The following MDFI variants were observed in gnomAD, a reference collection of about 807,000 sequenced individuals.
MDFI encodes the protein inhibitor of MyoD family a.
In MDFI, 16 loss-of-function variants were observed where a neutral mutation model predicts 22.3. The observed-to-expected ratio is 0.72, with a 90% confidence interval of 0.49 to 1.09. MDFI has a LOEUF of 1.09. MDFI is among the 50% of genes least tolerant of loss of function. The probability of loss-of-function intolerance (pLI) is 0.00; values close to 1 mark genes in which losing one functional copy is unlikely to be tolerated. For missense variants in MDFI, 314 were observed against 326.1 expected, an observed-to-expected ratio of 0.96 and a Z score of 0.29; for synonymous variants, 145 against 142.7, an observed-to-expected ratio of 1.02 and a Z score of -0.12.
chr6:41,649,770 C>G lies in MDFI; in HGVS notation c.411C>G (p.Ala137=), dbSNP rs774060212. The change falls in exon 4 of 5, where the codon GCC becomes GCG. Residue 137 remains alanine, a synonymous_variant. Transcript: ENST00000230321. ...AGTTGCAGACACACCCATCTCTCGC[C>G]AGCCAGGGCAGCAAGAAGAGTAAGA... The part of the protein sequence containing the change: ...HRKLQTHPSL[A]SQGSKKSKSS... The G allele has an allele frequency of 1.2e-6, 2 of 1,614,140 alleles. No homozygotes were observed. The highest frequency in any genetic ancestry group is 2.2e-5 in the East Asian group (1 of 44,872).
chr6:41,652,368 G>A (rs1768301978), intron 4 of MDFI, among the ~76,000 whole-genome samples: 1 of 152,206 alleles, frequency 6.6e-6, no homozygotes, highest in Non-Finnish European at 1.5e-5. Context: ...GGGCCTCAGA[G>A]GCCACTTCAA....
intron 4 of MDFI, among the ~76,000 whole-genome samples, chr6:41,651,904 C>T (rs1768284009): frequency 6.6e-6 from 1 of 152,240 alleles, no homozygotes; most frequent in South Asian, 2.1e-4. Context: ...CTATTCTATT[C>T]ACTGAGCACC....
intron 4 of MDFI, among the ~76,000 whole-genome samples, chr6:41,652,690 T>TC (rs1235620428): frequency 2.1e-5 from 3 of 140,986 alleles, no homozygotes; most frequent in Non-Finnish European, 3.0e-5. Context: ...CTCGGCTCAC[T>TC]ACTACAGCCT....
chr6:41,639,714 T>A (rs1282048287), intron 2 of MDFI: 4 of 985,308 alleles, frequency 4.1e-6, no homozygotes, highest in Non-Finnish European at 3.6e-6. Flanking sequence ...ACTGTCTAAG[T>A]CGTTGCCTTC....
intron 2 of MDFI, among the ~76,000 whole-genome samples, chr6:41,640,109 A>G (rs1767796026): frequency 6.6e-6 from 1 of 152,282 alleles, no homozygotes; most frequent in South Asian, 2.1e-4. Context: ...GAGCGCCTCC[A>G]AGAATTGGAC....
At chr6:41,639,217 C>A (rs1438106154) in intron 2 of MDFI, 3 of 984,878 alleles carry the variant, frequency 3.0e-6, no homozygotes, top group Non-Finnish European at 3.6e-6. Context: ...TTGTCTGAAT[C>A]TTTCTCTACT....
upstream of MDFI, among the ~76,000 whole-genome samples, chr6:41,637,846 A>T (rs1767695719): frequency 6.6e-6 from 1 of 152,174 alleles, no homozygotes; most frequent in Non-Finnish European, 1.5e-5. The surrounding 1 kb of genome is among the most constrained non-coding windows in gnomAD (Gnocchi z 6.8). Context: ...TCCCACGCAC[A>T]GCTGGTAGGG....
chr6:41,653,757 G>T lies in MDFI; in HGVS notation c.*182G>T. Reference sequence around the variant, plus strand: ...AAAATAGTGGGGGGCACTCAGAGGGGCCACCTCCTCAGCCGTGGGTGGTGG... The same window carrying T: ...AAAATAGTGGGGGGCACTCAGAGGGTCCACCTCCTCAGCCGTGGGTGGTGG... On this transcript the variant is annotated 3_prime_UTR_variant, in exon 5 of 5. Coordinates refer to ENST00000230321, the MANE Select transcript of MDFI (RefSeq NM_005586.4). This position sits in a 1 kb window ranked among gnomAD's most constrained non-coding sequence, Gnocchi z 4.2. The T allele has an allele frequency of 1.4e-6, 1 of 734,532 alleles. No individual in the cohort carries two copies. The allele number at this position is 734,532 out of a possible 1,614,324, so 45.5% of individuals were successfully genotyped here. A position where few individuals can be genotyped will look rare whatever the true frequency, so the allele number is the denominator to read the frequency against.
chr6:41,644,129 A>G (rs1767960955), intron 2 of MDFI, among the ~76,000 whole-genome samples: 1 of 152,134 alleles, frequency 6.6e-6, no homozygotes, highest in South Asian at 2.1e-4. Context: ...GAGAGGCACC[A>G]TCTAGCACCA....
chr6:41,639,838 T>C, intron 2 of MDFI: 4 of 985,430 alleles, frequency 4.1e-6, no homozygotes, highest in Non-Finnish European at 3.6e-6. Flanking sequence ...CCTTCCCTTC[T>C]CTGGCCTGAG....
intron 4 of MDFI, among the ~76,000 whole-genome samples, chr6:41,651,796 C>T (rs1269924971): frequency 2.0e-5 from 3 of 152,190 alleles, no homozygotes; most frequent in Admixed American, 6.5e-5. Flanking sequence ...CCCCAGCACA[C>T]GGAGGGCTGC....
chr6:41,640,029 C>T (rs779616914), intron 2 of MDFI: 24 of 767,584 alleles, frequency 3.1e-5, no homozygotes, highest in Non-Finnish European at 3.8e-5. Flanking sequence ...GTGTCTACAG[C>T]CCATCTTGGC....
chr6:41,651,569 A>G (rs1581844613), intron 4 of MDFI, among the ~76,000 whole-genome samples: 3 of 152,290 alleles, frequency 2.0e-5, no homozygotes, highest in Middle Eastern at 6.8e-3. Flanking sequence ...CTATCTGGAG[A>G]GCAGTAGGGA....
chr6:41,653,857 C>A lies in MDFI; in HGVS notation c.*282C>A. 2.0e-6 allele frequency: 1 copy of A among 492,750 alleles called. No homozygotes were observed. The highest frequency in any genetic ancestry group is 3.7e-6 in the Non-Finnish European group (1 of 270,776). 30.5% of individuals were successfully genotyped at this position (492,750 alleles called of 1,614,324 possible). ...ATTGCTGAGGACCTGACAGGACAAC[C>A]TAGGGGCAGGGCTGGGGTGGGGACC... On this transcript the variant is annotated 3_prime_UTR_variant, in exon 5 of 5. Coordinates refer to ENST00000230321, the MANE Select transcript of MDFI (RefSeq NM_005586.4). This position sits in a 1 kb window ranked among gnomAD's most constrained non-coding sequence, Gnocchi z 4.2.
chr6:41,642,110 G>C (rs1767873135), intron 2 of MDFI, among the ~76,000 whole-genome samples: 1 of 152,188 alleles, frequency 6.6e-6, no homozygotes, highest in African/African-American at 2.4e-5. Context: ...AGCCACCCTT[G>C]AGAGGAGGAG....
Position 41,649,861 on chromosome 6 carries a change from C to G in MDFI, c.484+18C>G. The stretch of plus-strand genomic sequence containing the variant: ...ACAGGAAGGTAAGCACCCATCCCAT[C>G]TCTCCCTGGGAGAGGCCTCCAAAGC... On this transcript the variant is annotated intron_variant, in intron 4 of 4. Transcript: ENST00000230321. The G allele has an allele frequency of 6.2e-7, 1 of 1,608,012 alleles. No homozygotes were observed. Among genetic ancestry groups the G allele is most frequent in the Non-Finnish European group, 8.5e-7 (1 of 1,176,432 alleles).
chr6:41,651,194 T>G (rs534331261), intron 4 of MDFI, among the ~76,000 whole-genome samples: 42 of 149,264 alleles, frequency 2.8e-4, no homozygotes, highest in Non-Finnish European at 1.2e-4. Context: ...AAAAATAAAA[T>G]GAAATGTCCT....
intron 2 of MDFI, among the ~76,000 whole-genome samples, chr6:41,640,645 A>G (rs1219752661): frequency 6.6e-6 from 1 of 152,242 alleles, no homozygotes; most frequent in Non-Finnish European, 1.5e-5. Flanking sequence ...GAGTGCTGAC[A>G]GAACAGCAAG....
chr6:41,652,864 C>T (rs1768328016), intron 4 of MDFI, among the ~76,000 whole-genome samples: 1 of 152,060 alleles, frequency 6.6e-6, no homozygotes, highest in Non-Finnish European at 1.5e-5. Flanking sequence ...GTGATCCGCC[C>T]ACCTCGGCCT....
Sources: allele counts gnomAD v4.1 joint callset (sites outside exome capture counted in the v4.1 genomes callset), GRCh38; gene constraint gnomAD v4.1.1; non-coding constraint Gnocchi (gnomAD v3.1); transcripts MANE v1.5; gene names NCBI Gene and HGNC (gene_info 2026-07-23, HGNC 2026-07-21).